The following THSD7B variants were observed in gnomAD, a reference collection of about 807,000 sequenced individuals.
THSD7B encodes thrombospondin type 1 domain containing 7B, also known as thrombospondin type-1 domain-containing protein 7B.
Under a neutral mutation model 213.6 loss-of-function variants are expected in THSD7B, and 138 were observed. The observed-to-expected ratio is 0.65, with a 90% confidence interval of 0.56 to 0.74. The LOEUF (loss-of-function observed/expected upper bound fraction) is 0.74, where lower values mean the gene tolerates loss of function less well. Among genes scored for constraint, THSD7B ranks in the 30% least tolerant of loss-of-function variants. The pLI is 0.00. For missense variants in THSD7B, 1,931 were observed against 1,991.5 expected, an observed-to-expected ratio of 0.97 and a Z score of 0.58; for synonymous variants, 742 against 687.0, an observed-to-expected ratio of 1.08 and a Z score of -1.25.
chr2:137,166,691 T>C (rs1008525457), intron 6 of THSD7B, among the ~76,000 whole-genome samples: 8 of 152,190 alleles, frequency 5.3e-5, no homozygotes, highest in Non-Finnish European at 1.2e-4. Flanking sequence ...AGTTGGAAAA[T>C]ACTCTCATGT....
chr2:137,002,347 C>G (rs1239108513), intron 2 of THSD7B, among the ~76,000 whole-genome samples: 1 of 152,014 alleles, frequency 6.6e-6, no homozygotes, highest in Non-Finnish European at 1.5e-5. Context: ...AAAACAGATC[C>G]AGACTGGGTC....
In THSD7B at chr2:137,398,502, G is replaced by T. The variant is rs1160903206; in HGVS notation, c.2501-7111G>T. 2.0e-5 allele frequency among the ~76,000 whole-genome samples: 3 copies of T among 151,958 alleles called. No individual in the cohort carries two copies. In the East Asian group the frequency reaches 5.8e-4, roughly 30 times the overall value. The stretch of plus-strand genomic sequence containing the variant: ...AGGGTCAGGGGTCAGGGACCCACTT[G>T]AGGAGGCAGTCTACCCGTTCTCAGA... On this transcript the variant is annotated intron_variant, in intron 12 of 27. Transcript: ENST00000409968.
chr2:136,936,538 G>A (rs1217599969), intron 2 of THSD7B, among the ~76,000 whole-genome samples: 1 of 152,166 alleles, frequency 6.6e-6, no homozygotes. Flanking sequence ...GATGGGATTG[G>A]AGACTATTAT....
intron 12 of THSD7B, among the ~76,000 whole-genome samples, chr2:137,312,349 G>T (rs1185893684): frequency 6.6e-6 from 1 of 151,540 alleles, no homozygotes; most frequent in Non-Finnish European, 1.5e-5. Context: ...GATCGGTGGT[G>T]ATATCCCCTT....
At chr2:136,940,539 G>A (rs72617050) in intron 2 of THSD7B, among the ~76,000 whole-genome samples, 15,155 of 150,038 alleles carry the variant, frequency 0.1, 1,333 homozygotes, top group East Asian at 0.42. Context: ...CTATAGATAT[G>A]CACAACCACA....
intron 20 of THSD7B, among the ~76,000 whole-genome samples, chr2:137,639,659 A>G (rs1236150129): frequency 6.6e-6 from 1 of 152,176 alleles, no homozygotes; most frequent in Non-Finnish European, 1.5e-5. Context: ...CTGCAAAGCC[A>G]CAGGGATGGA....
intron 1 of THSD7B, among the ~76,000 whole-genome samples, chr2:136,819,546 C>T (rs1325192167): frequency 1.3e-5 from 2 of 152,064 alleles, no homozygotes; most frequent in Non-Finnish European, 2.9e-5. Flanking sequence ...CCTCAATGTA[C>T]TGGGGAAAAG....
intron 20 of THSD7B, among the ~76,000 whole-genome samples, chr2:137,628,150 G>A (rs1000417933): frequency 6.6e-6 from 1 of 152,114 alleles, no homozygotes; most frequent in Non-Finnish European, 1.5e-5. Flanking sequence ...TCTCCTCCAC[G>A]TTCCTCTACC....
At chr2:137,466,482 A>G (rs992964158) in intron 15 of THSD7B, among the ~76,000 whole-genome samples, 1 of 151,946 alleles carries the variant, frequency 6.6e-6, no homozygotes, top group Non-Finnish European at 1.5e-5. Flanking sequence ...ACATTATGAG[A>G]TGGTTTTTTT....
At chr2:137,338,900 A>G (rs1684698987) in intron 12 of THSD7B, among the ~76,000 whole-genome samples, 1 of 152,008 alleles carries the variant, frequency 6.6e-6, no homozygotes, top group Non-Finnish European at 1.5e-5. Context: ...TGCTCTTTAG[A>G]GATTTTATGA....
chr2:137,379,478 GT>G (rs1316480476), intron 12 of THSD7B, among the ~76,000 whole-genome samples: 1 of 152,186 alleles, frequency 6.6e-6, no homozygotes, highest in African/African-American at 2.4e-5. Flanking sequence ...TCAAACATTG[GT>G]TTTGAAGAAT....
chr2:137,057,164 T>C lies in THSD7B; in HGVS notation c.884T>C (p.Ile295Thr), dbSNP rs1558902769. 1.2e-6 allele frequency: 2 copies of C among 1,613,918 alleles called. No individual in the cohort carries two copies. The highest frequency in any genetic ancestry group is 1.7e-6 in the Non-Finnish European group (2 of 1,179,870). Reference sequence around the variant, plus strand: ...CATCATCATTCGAAGTCTTGGGCAATAGAGATAGGTTATCAAACCCGGCAG... The same window carrying C: ...CATCATCATTCGAAGTCTTGGGCAACAGAGATAGGTTATCAAACCCGGCAG... ...KAHHHSKSWA[I>T]EIGYQTRQVS... The change falls in exon 3 of 28, where the codon ATA (isoleucine) becomes ACA (threonine). Residue 295 changes from isoleucine (I) to threonine (T), a missense_variant. Physicochemically the swap from Ile to Thr is moderately conservative, Grantham distance 89 (BLOSUM62 -1). Transcript: ENST00000409968.
intron 2 of THSD7B, among the ~76,000 whole-genome samples, chr2:137,034,653 G>A (rs536874880): frequency 6.6e-6 from 1 of 152,020 alleles, no homozygotes; most frequent in South Asian, 2.1e-4. Context: ...TGTTCTCATT[G>A]TTCAACTCCC....
intron 6 of THSD7B, among the ~76,000 whole-genome samples, chr2:137,168,363 A>G (rs1341206792): frequency 1.3e-5 from 2 of 152,194 alleles, no homozygotes; most frequent in African/African-American, 4.8e-5. Flanking sequence ...TCTATCTTTC[A>G]GAACAGAAGT....
intron 21 of THSD7B, among the ~76,000 whole-genome samples, chr2:137,644,316 G>C (rs551280077): frequency 1.3e-5 from 2 of 152,144 alleles, no homozygotes; most frequent in African/African-American, 4.8e-5. Flanking sequence ...ATTATTCTAG[G>C]GTGGGCCCTT....
At chr2:137,262,938 T>G in intron 10 of THSD7B, among the ~76,000 whole-genome samples, 1 of 152,168 alleles carries the variant, frequency 6.6e-6, no homozygotes, top group Non-Finnish European at 1.5e-5. Flanking sequence ...AGATCAGCTA[T>G]GGATGACTTC....
chr2:137,233,873 A>G (rs1681699776), intron 9 of THSD7B, among the ~76,000 whole-genome samples: 1 of 152,202 alleles, frequency 6.6e-6, no homozygotes, highest in South Asian at 2.1e-4. Context: ...TATGCATTAT[A>G]GAGAGACTTG....
chr2:136,918,442 C>T lies in THSD7B; in HGVS notation c.139+36125C>T, dbSNP rs528273106. 3.7e-4 allele frequency among the ~76,000 whole-genome samples: 56 copies of T among 152,316 alleles called. 1 individual carries two copies. Among genetic ancestry groups the T allele is most frequent in the Non-Finnish European group, 6.0e-4 (41 of 68,028 alleles). ...ATCACCTTGCCAAATATAGTTGCTA[C>T]GTTATATCTATTCTTCCCTTTGCCT... is the stretch of plus-strand genomic sequence containing the variant. On this transcript the variant is annotated intron_variant, in intron 2 of 27. Coordinates refer to ENST00000409968, the MANE Select transcript of THSD7B (RefSeq NM_001316349.2).
chr2:136,827,354 G>C (rs558291497), intron 1 of THSD7B, among the ~76,000 whole-genome samples: 2 of 152,196 alleles, frequency 1.3e-5, no homozygotes, highest in Non-Finnish European at 2.9e-5. Context: ...GTCCTGAGCT[G>C]TTAGGATATA....
Sources: gnomAD v4.1 joint callset for allele counts (sites outside exome capture counted in the v4.1 genomes callset) on GRCh38, gnomAD v4.1.1 for gene constraint, MANE v1.5 for transcripts, NCBI Gene and HGNC (gene_info 2026-07-23, HGNC 2026-07-21) for gene names.